The following SEC24A variants were observed in gnomAD, a reference collection of about 807,000 sequenced individuals.
The protein encoded by SEC24A is protein transport protein Sec24A.
In SEC24A, 93 loss-of-function variants were observed where a neutral mutation model predicts 129.4. The ratio of observed to expected loss-of-function variants is 0.72; its 90% CI spans 0.61 to 0.85. The LOEUF (loss-of-function observed/expected upper bound fraction) is 0.85. SEC24A is among the 40% of genes least tolerant of loss of function. The probability of loss-of-function intolerance (pLI) is 0.00; values close to 1 mark genes in which losing one functional copy is unlikely to be tolerated. For synonymous variants in SEC24A, 460 were observed against 467.3 expected (o/e 0.98, Z 0.20); for missense variants, 1,264 against 1,307.4 (o/e 0.97, Z 0.51).
chr5:134,661,298 T>C lies in SEC24A; in HGVS notation c.277T>C (p.Ser93Pro). 6.2e-7 allele frequency: 1 copy of C among 1,614,186 alleles called. No individual in the cohort carries two copies. Among genetic ancestry groups the C allele is most frequent in the Non-Finnish European group, 8.5e-7 (1 of 1,180,030 alleles). Residue 93 changes from serine (S) to proline (P), a missense_variant, in exon 2 of 23, where the codon TCT becomes CCT. Coordinates refer to ENST00000398844, the MANE Select transcript of SEC24A (RefSeq NM_021982.3). The stretch of plus-strand genomic sequence containing the variant: ...GACTCTTAATAGACCACCTGTGGCC[T>C]CTAATCCAGTGACACCTTCGCTTCA... ...GQTLNRPPVASNPVTPSLHSG... is the reference protein window; with the variant it reads ...GQTLNRPPVAPNPVTPSLHSG...
intron 19 of SEC24A, among the ~76,000 whole-genome samples, chr5:134,716,260 A>G (rs1752472730): frequency 6.6e-6 from 1 of 151,882 alleles, no homozygotes; most frequent in African/African-American, 2.4e-5. Flanking sequence ...CCAGAGTTCA[A>G]GACTAGCCTG....
chr5:134,710,484 C>T (rs1472124900), intron 18 of SEC24A, among the ~76,000 whole-genome samples: 5 of 152,160 alleles, frequency 3.3e-5, no homozygotes, highest in Non-Finnish European at 5.9e-5. Flanking sequence ...CCTCCCACCT[C>T]ATCCTCCTAA....
intron 20 of SEC24A, among the ~76,000 whole-genome samples, chr5:134,719,139 T>C (rs1330247690): frequency 1.3e-5 from 2 of 152,104 alleles, no homozygotes; most frequent in East Asian, 3.8e-4. Context: ...TGCAGCGCTT[T>C]AGGATGCCAA....
intron 4 of SEC24A, 102 bp from the exon 5 acceptor site, chr5:134,674,513 G>A: frequency 9.7e-7 from 1 of 1,035,908 alleles, no homozygotes; most frequent in Non-Finnish European, 1.4e-6. Context: ...CTGCAGCCTG[G>A]GCAATAGTGA....
intron 11 of SEC24A, among the ~76,000 whole-genome samples, chr5:134,691,522 C>T (rs1241015841): frequency 7.8e-6 from 1 of 128,334 alleles, no homozygotes; most frequent in African/African-American, 3.0e-5. Flanking sequence ...TTTTTTGAGA[C>T]GAGTCTTGAT....
At chr5:134,654,184 A>C (rs1358600431) in intron 1 of SEC24A, among the ~76,000 whole-genome samples, 1 of 151,762 alleles carries the variant, frequency 6.6e-6, no homozygotes. Flanking sequence ...AATAAAAAAC[A>C]AAAGACCTAA....
Position 134,677,607 on chromosome 5 carries a change from G to A in SEC24A, c.1254+1482G>A, listed in dbSNP as rs150000601. Among the ~76,000 whole-genome samples the A allele has an allele frequency of 1.1e-4, 17 of 151,784 alleles. No individual in the cohort carries two copies. The East Asian group carries it at 3.3e-3, about 29-fold the overall frequency. ...AATCCTAGCACTTTGGGAGGCTGAG[G>A]CGGGCAGATCACCTGAGGTCAGGAA... is the stretch of plus-strand genomic sequence containing the variant. On this transcript the variant is annotated intron_variant, in intron 7 of 22. Coordinates refer to ENST00000398844, the MANE Select transcript of SEC24A (RefSeq NM_021982.3).
chr5:134,710,849 G>A (rs914144413), intron 18 of SEC24A, among the ~76,000 whole-genome samples: 45 of 152,012 alleles, frequency 3.0e-4, no homozygotes, highest in Non-Finnish European at 5.9e-4. Context: ...TTAAAAGCTC[G>A]TGTTGGCCGG....
At chr5:134,679,486 G>A (rs1343395464) in intron 7 of SEC24A, 116 bp from the exon 8 acceptor site, 4 of 630,796 alleles carry the variant, frequency 6.3e-6, no homozygotes, top group Non-Finnish European at 1.0e-5. Context: ...TGTACTCTAA[G>A]TTTTCTCTAA....
At chr5:134,700,030 CCA>C in intron 15 of SEC24A, among the ~76,000 whole-genome samples, 1 of 151,626 alleles carries the variant, frequency 6.6e-6, no homozygotes, top group Non-Finnish European at 1.5e-5. Context: ...TTTCATTTCT[CCA>C]CATTATCAAC....
At chr5:134,716,282 G>A (rs542290712) in intron 19 of SEC24A, among the ~76,000 whole-genome samples, 3 of 151,768 alleles carry the variant, frequency 2.0e-5, no homozygotes, top group Non-Finnish European at 4.4e-5. Flanking sequence ...CCAAGATGGT[G>A]ATACCCTGCC....
intron 18 of SEC24A, among the ~76,000 whole-genome samples, chr5:134,710,995 G>A (rs1329140849): frequency 6.6e-6 from 1 of 151,862 alleles, no homozygotes; most frequent in Admixed American, 6.6e-5. Context: ...AATTAGCAGG[G>A]CATGGTGGCA....
At chr5:134,686,122 T>C (rs942854059) in intron 9 of SEC24A, among the ~76,000 whole-genome samples, 1 of 152,152 alleles carries the variant, frequency 6.6e-6, no homozygotes. Context: ...AACAAACATA[T>C]TGAAAAATCA....
At chr5:134,681,377 G>A (rs1751264220) in intron 8 of SEC24A, among the ~76,000 whole-genome samples, 1 of 151,812 alleles carries the variant, frequency 6.6e-6, no homozygotes, top group Admixed American at 6.6e-5. Context: ...TCCAGCCTTG[G>A]CAACAAGAGC....
At chr5:134,696,845 C>T (rs1357733743) in intron 13 of SEC24A, among the ~76,000 whole-genome samples, 4 of 150,534 alleles carry the variant, frequency 2.7e-5, no homozygotes. Context: ...CCAGGATGGT[C>T]TCAAACTCCT....
rs2150096833 is a variant in SEC24A, at chr5:134,692,604, GT to G, written c.1731del (p.Phe577LeufsTer9). The part of the protein sequence containing the change: ...QMLIVSDIED[V>X]FIPMPENLLV... ...TAAATATGTATTTCTTCTTTCAGAT[GT>G]TTTTATACCTATGCCAGAGAACTTA... On this transcript the variant is annotated frameshift_variant, in exon 12 of 23. Coordinates refer to ENST00000398844, the MANE Select transcript of SEC24A (RefSeq NM_021982.3). LOFTEE classifies it high-confidence loss of function. 3.0e-6 allele frequency: 4 copies of G among 1,333,652 alleles called. No homozygotes were observed. Among genetic ancestry groups the G allele is most frequent in the Non-Finnish European group, 4.3e-6 (4 of 940,196 alleles). The allele number at this position is 1,333,652 out of a possible 1,614,324, so 82.6% of individuals were successfully genotyped here. A position where few individuals can be genotyped will look rare whatever the true frequency, so the allele number is the denominator to read the frequency against.
Position 134,674,625 on chromosome 5 carries a change from G to A in SEC24A, c.828G>A (p.Gln276=), listed in dbSNP as rs1418250680. The change falls in exon 5 of 23, where the codon CAG becomes CAA. Residue 276 remains glutamine (Q), a synonymous_variant. Transcript: ENST00000398844. ...TTACCTTGTTTCTAGCAACACCACA[G>A]CTTACTAACAAGAATCCCAAAATGA... ...IEGGGLLATP[Q]LTNKNPKMSR... 3.1e-6 allele frequency: 5 copies of A among 1,613,190 alleles called. No individual in the cohort carries two copies. In the African/African-American group the frequency reaches 5.3e-5, roughly 17 times the overall value.
chr5:134,691,254 ACT>A (rs1204447503), intron 11 of SEC24A, among the ~76,000 whole-genome samples: 3 of 143,744 alleles, frequency 2.1e-5, no homozygotes, highest in East Asian at 4.1e-4. Context: ...CTCACTGCAA[ACT>A]CTGCCTCCTG....
chr5:134,691,807 C>G (rs1466982752), intron 11 of SEC24A, among the ~76,000 whole-genome samples: 2 of 152,066 alleles, frequency 1.3e-5, no homozygotes, highest in East Asian at 3.9e-4. Flanking sequence ...GAGAAAGCAT[C>G]TGCTTTGTGA....
Sources: gnomAD v4.1 joint callset for allele counts (sites outside exome capture counted in the v4.1 genomes callset) on GRCh38, gnomAD v4.1.1 for gene constraint, MANE v1.5 for transcripts, NCBI Gene and HGNC (gene_info 2026-07-23, HGNC 2026-07-21) for gene names.